The following WARS1 variants were observed in gnomAD, a reference collection of about 807,000 sequenced individuals.
The protein encoded by WARS1 is tryptophan--tRNA ligase, cytoplasmic.
In WARS1, 17 loss-of-function variants were observed where a neutral mutation model predicts 47.8. The observed-to-expected ratio is 0.36, with a 90% CI of 0.24 to 0.53. The LOEUF (loss-of-function observed/expected upper bound fraction) is 0.53. Among genes scored for constraint, WARS1 ranks in the 20% least tolerant of loss-of-function variants. WARS1 has a pLI of 0.91. For synonymous variants in WARS1, 208 were observed against 228.1 expected, an observed-to-expected ratio of 0.91 and a Z score of 0.79; for missense variants, 434 against 608.0, an observed-to-expected ratio of 0.71 and a Z score of 3.01.
At chr14:100,356,339 C>CT (rs967078736) in intron 4 of WARS1, among the ~76,000 whole-genome samples, 1 of 144,718 alleles carries the variant, frequency 6.9e-6, no homozygotes, top group African/African-American at 2.5e-5. Context: ...AAAATGCTGA[C>CT]TACAAACCAA....
chr14:100,335,791 A>G (rs1201173799), intron 10 of WARS1, among the ~76,000 whole-genome samples: 1 of 152,146 alleles, frequency 6.6e-6, no homozygotes, highest in Non-Finnish European at 1.5e-5. Context: ...AAAATCACCT[A>G]CAAATTGCCC....
intron 3 of WARS1, 117 bp downstream of exon 3, chr14:100,361,587 TGGCA>T: frequency 3.1e-6 from 3 of 968,548 alleles, no homozygotes; most frequent in Admixed American, 2.7e-5. Context: ...CATTTTTTCT[TGGCA>T]TTGAAGCTTC....
At chr14:100,366,340 A>T (rs1895993287) in intron 2 of WARS1, among the ~76,000 whole-genome samples, 1 of 152,166 alleles carries the variant, frequency 6.6e-6, no homozygotes, top group Non-Finnish European at 1.5e-5. Context: ...TCCCCAACAA[A>T]AGGGGAGCAG....
At chr14:100,365,330 A>C (rs1210861665) in intron 2 of WARS1, 1 of 157,048 alleles carries the variant, frequency 6.4e-6, no homozygotes, top group Non-Finnish European at 1.4e-5. Context: ...CTGTCATCCC[A>C]GTACTTTGGG....
rs952059032 is a variant in WARS1 at position 100,346,835 on chromosome 14, C to G, written c.737G>C (p.Gly246Ala). Residue 246 changes from glycine (G) to alanine (A), a missense_variant, in exon 7 of 11, where the codon GGT (glycine) becomes GCT (alanine). Transcript: ENST00000392882. ...AATCTTCACCACATTTTTGTAGAAA[C>G]CTGAGCTCATCCTGCAAAGACAACG... ...SDLDYMGMSSGFYKNVVKIQK... is the reference protein window; with the variant it reads ...SDLDYMGMSSAFYKNVVKIQK... The G allele has an allele frequency of 5.0e-6, 8 of 1,613,180 alleles. No homozygotes were observed. The African/African-American group carries it at 1.1e-4, about 22-fold the overall frequency.
intron 8 of WARS1, 116 bp from the exon 9 acceptor site, chr14:100,342,687 T>C (rs1894250999): frequency 1.1e-6 from 1 of 933,092 alleles, no homozygotes; most frequent in Non-Finnish European, 1.6e-6. Context: ...ACCAAAGAAA[T>C]TCACTCCCTC....
At chr14:100,370,917 C>T (rs370029181) in intron 1 of WARS1, among the ~76,000 whole-genome samples, 120 of 151,868 alleles carry the variant, frequency 7.9e-4, no homozygotes, top group African/African-American at 2.5e-3. Flanking sequence ...TACTCCAGCC[C>T]GGGTGACAGA....
At chr14:100,352,181 G>A (rs1469155474) in intron 6 of WARS1, among the ~76,000 whole-genome samples, 3 of 129,570 alleles carry the variant, frequency 2.3e-5, no homozygotes, top group East Asian at 2.5e-4. Context: ...GCATGATCTC[G>A]GCTCACTGCA....
intron 2 of WARS1, 151 bp downstream of exon 2, chr14:100,368,936 G>T: frequency 2.4e-6 from 1 of 421,536 alleles, no homozygotes; most frequent in Non-Finnish European, 3.8e-6. Flanking sequence ...ACTCCAGCCT[G>T]GGAAACAAGA....
intron 6 of WARS1, among the ~76,000 whole-genome samples, chr14:100,347,594 T>A (rs1894709968): frequency 6.6e-6 from 1 of 152,254 alleles, no homozygotes; most frequent in South Asian, 2.1e-4. Flanking sequence ...TTTTTTGTTT[T>A]GAGACAGAGT....
At chr14:100,348,926 C>T (rs1267552491) in intron 6 of WARS1, among the ~76,000 whole-genome samples, 1 of 152,220 alleles carries the variant, frequency 6.6e-6, no homozygotes, top group Admixed American at 6.5e-5. Context: ...AGGTGCTGCA[C>T]CGTGAGCACG....
Position 100,361,701 on chromosome 14 carries a change from G to T in WARS1, c.313+7C>A. 1 of 1,613,636 alleles carries T rather than the reference G, an allele frequency of 6.2e-7. No individual in the cohort carries two copies. ...AGCTTTTTCTGGGAAGAAAGCAGAGGACGTACCAATGAGCTTATCGTAGTC... is the reference window on the plus strand; with the variant it reads ...AGCTTTTTCTGGGAAGAAAGCAGAGTACGTACCAATGAGCTTATCGTAGTC... On this transcript the variant is annotated splice_region_variant and intron_variant, in intron 3 of 10. Transcript: ENST00000392882.
intron 6 of WARS1, among the ~76,000 whole-genome samples, chr14:100,349,955 T>A (rs571920868): frequency 6.6e-6 from 1 of 152,380 alleles, no homozygotes; most frequent in Non-Finnish European, 1.5e-5. Context: ...AAGAAACTCT[T>A]AAAGTAAAAT....
Position 100,365,132 on chromosome 14 carries a change from C to CAT in WARS1, c.100-3212_100-3211insAT, listed in dbSNP as rs1329295816. On this transcript the variant is annotated intron_variant, in intron 2 of 10. Coordinates refer to ENST00000392882, the MANE Select transcript of WARS1 (RefSeq NM_004184.4). ...GACCCTGTCTCAAAAAATACACACA[C>CAT]ACACACACACACACACACACACACA... 6.6e-5 allele frequency among the ~76,000 whole-genome samples: 10 copies of CAT among 150,704 alleles called. 1 individual carries two copies. The South Asian group carries it at 8.4e-4, about 13-fold the overall frequency.
In WARS1 at chr14:100,353,703, C is replaced by T; in HGVS notation, c.709G>A (p.Asp237Asn). The T allele has an allele frequency of 6.2e-7, 1 of 1,614,164 alleles. No homozygotes were observed. The highest frequency in any genetic ancestry group is 8.5e-7 in the Non-Finnish European group (1 of 1,180,030). ...TCTCCTTACCCCATGTAGTCCAGGT[C>T]AGAGAATATGAAAGTCTTGTTGATG... Reference protein sequence around the residue: ...FDINKTFIFSDLDYMGMSSGF... With the variant: ...FDINKTFIFSNLDYMGMSSGF... The change falls in exon 6 of 11, where the codon GAC becomes AAC. Residue 237 changes from aspartate to asparagine, a missense_variant. Physicochemically the swap from Asp to Asn is conservative, Grantham distance 23. Around this residue, in one of 2 missense-constraint regions of WARS1, gnomAD observed 347 missense variants for 523.8 expected, o/e 0.66. Transcript: ENST00000392882.
intron 2 of WARS1, 105 bp from the exon 3 acceptor site, chr14:100,362,026 T>C: frequency 8.4e-7 from 1 of 1,185,378 alleles, no homozygotes; most frequent in Non-Finnish European, 1.2e-6. Context: ...TTACACGTGT[T>C]ACCTTAGTTA....
chr14:100,366,824 T>C (rs967998284), intron 2 of WARS1: 5 of 1,520,398 alleles, frequency 3.3e-6, no homozygotes, highest in African/African-American at 2.7e-5. Flanking sequence ...TTTTGATGTA[T>C]TGTTTAAAGG....
At chr14:100,346,338 C>G (rs1055274955) in intron 7 of WARS1, among the ~76,000 whole-genome samples, 2 of 152,224 alleles carry the variant, frequency 1.3e-5, no homozygotes, top group Non-Finnish European at 2.9e-5. Context: ...GAGACAAAGA[C>G]TCAAAGGCCC....
chr14:100,362,576 G>C (rs1379882535), intron 2 of WARS1, among the ~76,000 whole-genome samples: 1 of 151,746 alleles, frequency 6.6e-6, no homozygotes. Context: ...GGGTAGTCTG[G>C]AAATGTATTA....
Sources: allele counts gnomAD v4.1 joint callset (sites outside exome capture counted in the v4.1 genomes callset), GRCh38; gene constraint gnomAD v4.1.1; regional missense constraint gnomAD v4.1.1; transcripts MANE v1.5; gene names NCBI Gene and HGNC (gene_info 2026-07-23, HGNC 2026-07-21).